Variants in SPRR2E observed in about 807,000 individuals in gnomAD.
The protein encoded by SPRR2E is small proline-rich protein 2E.
For synonymous variants in SPRR2E, 20 were observed against 32.2 expected, an observed-to-expected ratio of 0.62 and a Z score of 1.28; for missense variants, 68 against 87.1, an observed-to-expected ratio of 0.78 and a Z score of 0.87.
Position 153,093,789 on chromosome 1 carries a change from C to T in SPRR2E, c.-19-19G>A, listed in dbSNP as rs374728627. On this transcript the variant is annotated intron_variant, in intron 1 of 1. Transcript: ENST00000368750. ...TCAGAATCTGAAAGAAATGATATGA[C>T]AGTGTTCACAGGAATGGACTCCTCC... The T allele has an allele frequency of 5.0e-6, 8 of 1,610,640 alleles. No homozygotes were observed. The highest frequency in any genetic ancestry group is 6.8e-6 in the Non-Finnish European group (8 of 1,179,872).
chr1:153,094,192 C>G (rs1655165855), intron 1 of SPRR2E, among the ~76,000 whole-genome samples: 1 of 152,238 alleles, frequency 6.6e-6, no homozygotes, highest in Admixed American at 6.5e-5. Context: ...CCTGCTAAGA[C>G]ACAAACCTTT....
rs756320780 is a variant in SPRR2E, at chr1:153,093,571, G to A, written c.181C>T (p.Pro61Ser). The A allele has an allele frequency of 9.9e-6, 16 of 1,612,898 alleles. No homozygotes were observed. Among genetic ancestry groups the A allele is most frequent in the African/African-American group, 9.3e-5 (7 of 74,886 alleles). The change falls in exon 2 of 2, where the codon CCA becomes TCA. Residue 61 changes from proline (P) to serine (S), a missense_variant. By Grantham distance (74) the Pro-to-Ser change is moderately conservative (BLOSUM62 -1). Transcript: ENST00000368750. ...GGTGGACACTTTGGCTGGCAGGGTGGGGAAGGTGTCACAGGAGGACATTTT... is the reference window on the plus strand; with the variant it reads ...GGTGGACACTTTGGCTGGCAGGGTGAGGAAGGTGTCACAGGAGGACATTTT... ...QQKCPPVTPS[P>S]PCQPKCPPKS...
chr1:153,093,506 T>A lies in SPRR2E; in HGVS notation c.*27A>T. On this transcript the variant is annotated 3_prime_UTR_variant, in exon 2 of 2. Coordinates refer to ENST00000368750, the MANE Select transcript of SPRR2E (RefSeq NM_001024209.4). ...AGGTGAGCCAATTATCCTTATCCTT[T>A]CATGCTCCTGATGAATTCTGAAGCT... 1 of 1,606,838 alleles carries A rather than the reference T, an allele frequency of 6.2e-7. No individual in the cohort carries two copies. The highest frequency in any genetic ancestry group is 8.5e-7 in the Non-Finnish European group (1 of 1,176,866).
chr1:153,093,226 A>AG lies in SPRR2E; in HGVS notation c.*306dup. ...CCATGCCCAGGTGACAGACAGACAC[A>AG]GAAAACATCAACAGCATTTTTTGAT... On this transcript the variant is annotated 3_prime_UTR_variant, in exon 2 of 2. Transcript: ENST00000368750. 2.1e-6 allele frequency: 1 copy of AG among 475,390 alleles called. No individual in the cohort carries two copies. Among genetic ancestry groups the AG allele is most frequent in the East Asian group, 3.3e-5 (1 of 30,542 alleles). The allele number at this position is 475,390 out of a possible 1,614,324, so 29.4% of individuals were successfully genotyped here.
Position 153,093,277 on chromosome 1 carries a change from C to A in SPRR2E, c.*256G>T. On this transcript the variant is annotated 3_prime_UTR_variant, in exon 2 of 2. Coordinates refer to ENST00000368750, the MANE Select transcript of SPRR2E (RefSeq NM_001024209.4). ...GGTTCCCAGGGACAGAGCTGCTGGTCCTTCTTCCAAAGCTCTGGGAACTGA... is the reference window on the plus strand; with the variant it reads ...GGTTCCCAGGGACAGAGCTGCTGGTACTTCTTCCAAAGCTCTGGGAACTGA... 2 of 633,800 alleles carry A rather than the reference C, an allele frequency of 3.2e-6. No homozygotes were observed. The highest frequency in any genetic ancestry group is 2.6e-6 in the Non-Finnish European group (1 of 391,992). The allele number at this position is 633,800 out of a possible 1,614,324, so 39.3% of individuals were successfully genotyped here.
At chr1:153,093,809 T>A in intron 1 of SPRR2E, 39 bp from the exon 2 acceptor site, 1 of 1,609,734 alleles carries the variant, frequency 6.2e-7, no homozygotes, top group South Asian at 1.1e-5. Context: ...AGGAATGGAC[T>A]CCTCCAGAGA....
Position 153,093,353 on chromosome 1 carries a change from G to T in SPRR2E, c.*180C>A. ...TCTCCACCTGGACAGTGGCAATATG[G>T]CAGCCTCAGAAAGGAAACCTTTTGC... On this transcript the variant is annotated 3_prime_UTR_variant, in exon 2 of 2. Coordinates refer to ENST00000368750, the MANE Select transcript of SPRR2E (RefSeq NM_001024209.4). 1 of 1,213,296 alleles carries T rather than the reference G, an allele frequency of 8.2e-7. No homozygotes were observed. The highest frequency in any genetic ancestry group is 1.1e-6 in the Non-Finnish European group (1 of 880,632). The allele number at this position is 1,213,296 out of a possible 1,614,324, so 75.2% of individuals were successfully genotyped here.
In SPRR2E at chr1:153,093,768, A is replaced by G. The variant is rs765642064; in HGVS notation, c.-17T>C. 20 of 1,611,480 alleles carry G rather than the reference A, an allele frequency of 1.2e-5. No homozygotes were observed. Among genetic ancestry groups the G allele is most frequent in the East Asian group, 6.7e-5 (3 of 44,896 alleles). On this transcript the variant is annotated splice_region_variant and 5_prime_UTR_variant, in exon 2 of 2. Coordinates refer to ENST00000368750, the MANE Select transcript of SPRR2E (RefSeq NM_001024209.4). Reference sequence around the variant, plus strand: ...ATAAGACATCCTGCTGGAGTCTCAGAATCTGAAAGAAATGATATGACAGTG... The same window carrying G: ...ATAAGACATCCTGCTGGAGTCTCAGGATCTGAAAGAAATGATATGACAGTG...
Position 153,093,533 on chromosome 1 carries a change from T to C in SPRR2E, c.219A>G (p.Ter73=). 1.9e-6 allele frequency: 3 copies of C among 1,612,214 alleles called. No individual in the cohort carries two copies. ...CQPKCPPKSK[*] ...ATGCTCCTGATGAATTCTGAAGCTG[T>C]TACTTGCTCTTGGGTGGACACTTTG... The change falls in exon 2 of 2, where the codon TAA becomes TAG. Residue 73 remains the stop codon, a stop_retained_variant. Coordinates refer to ENST00000368750, the MANE Select transcript of SPRR2E (RefSeq NM_001024209.4).
rs778926662 is a variant in SPRR2E at position 153,093,721 on chromosome 1, G to A, written c.31C>T (p.Pro11Ser). The change falls in exon 2 of 2, where the codon CCC becomes TCC. Residue 11 changes from proline to serine, a missense_variant. Pro to Ser is a moderately conservative substitution (Grantham distance 74, BLOSUM62 -1). Transcript: ENST00000368750. ...GGGCACACAGGAGGTGGCTGGCAGG[G>A]CTGCTTGCACTGCTGCTGTTGATAA... MSYQQQQCKQPCQPPPVCPTP... is the reference protein window; with the variant it reads MSYQQQQCKQSCQPPPVCPTP... The A allele has an allele frequency of 3.7e-6, 6 of 1,612,162 alleles. No homozygotes were observed. Among genetic ancestry groups the A allele is most frequent in the South Asian group, 3.3e-5 (3 of 91,000 alleles).
chr1:153,093,912 G>A, intron 1 of SPRR2E, 142 bp from the exon 2 acceptor site: 2 of 1,331,160 alleles, frequency 1.5e-6, no homozygotes, highest in Non-Finnish European at 2.0e-6. Context: ...ATGACTTCCT[G>A]TCTTCTCCTT....
At chr1:153,094,316 A>T (rs531116268) in intron 1 of SPRR2E, among the ~76,000 whole-genome samples, 168 bp downstream of exon 1, 17 of 152,340 alleles carry the variant, frequency 1.1e-4, no homozygotes, top group Admixed American at 1.0e-3. Flanking sequence ...TACATTTTTT[A>T]AAAATCTGTG....
rs776318233 is a variant in SPRR2E at position 153,093,508 on chromosome 1, A to T, written c.*25T>A. On this transcript the variant is annotated 3_prime_UTR_variant, in exon 2 of 2. Transcript: ENST00000368750. ...GTGAGCCAATTATCCTTATCCTTTC[A>T]TGCTCCTGATGAATTCTGAAGCTGT... 8.1e-6 allele frequency: 13 copies of T among 1,607,534 alleles called. No individual in the cohort carries two copies. The Admixed American group carries it at 1.2e-4, about 14-fold the overall frequency.
rs1655134862 is a variant in SPRR2E, at chr1:153,093,385, G to A, written c.*148C>T. On this transcript the variant is annotated 3_prime_UTR_variant, in exon 2 of 2. Coordinates refer to ENST00000368750, the MANE Select transcript of SPRR2E (RefSeq NM_001024209.4). ...CAGAAAGGAAACCTTTTGCTATCAG[G>A]GATCATCATGGGCAGATCACTGGCT... The A allele has an allele frequency of 7.0e-7, 1 of 1,420,376 alleles. No homozygotes were observed. Among genetic ancestry groups the A allele is most frequent in the East Asian group, 2.3e-5 (1 of 43,350 alleles). 88.0% of individuals were successfully genotyped at this position (1,420,376 alleles called of 1,614,324 possible).
intron 1 of SPRR2E, among the ~76,000 whole-genome samples, chr1:153,094,157 T>C (rs890052630): frequency 2.0e-5 from 3 of 152,234 alleles, no homozygotes; most frequent in African/African-American, 7.2e-5. Context: ...CAAGGGCTGT[T>C]CAGGAAGAAG....
Position 153,093,444 on chromosome 1 carries a change from G to C in SPRR2E, c.*89C>G. 6.4e-7 allele frequency: 1 copy of C among 1,551,874 alleles called. No individual in the cohort carries two copies. The highest frequency in any genetic ancestry group is 8.7e-7 in the Non-Finnish European group (1 of 1,146,918). ...AGAAGCTAACTGTGTATCCATGGTAGGCTTTGATGAGAAGATGCAGGTGAA... is the reference window on the plus strand; with the variant it reads ...AGAAGCTAACTGTGTATCCATGGTACGCTTTGATGAGAAGATGCAGGTGAA... On this transcript the variant is annotated 3_prime_UTR_variant, in exon 2 of 2. Coordinates refer to ENST00000368750, the MANE Select transcript of SPRR2E (RefSeq NM_001024209.4).
rs758913167 is a variant in SPRR2E, at chr1:153,093,559, G to T, written c.193C>A (p.Pro65Thr). The T allele has an allele frequency of 8.1e-6, 13 of 1,612,880 alleles. No homozygotes were observed. Among genetic ancestry groups the T allele is most frequent in the Non-Finnish European group, 1.0e-5 (12 of 1,179,782 alleles). ...TACTTGCTCTTGGGTGGACACTTTG[G>T]CTGGCAGGGTGGGGAAGGTGTCACA... is the stretch of plus-strand genomic sequence containing the variant. ...PPVTPSPPCQPKCPPKSK is the reference protein window; with the variant it reads ...PPVTPSPPCQTKCPPKSK The change falls in exon 2 of 2, where the codon CCA becomes ACA. Residue 65 changes from proline to threonine, a missense_variant. By Grantham distance (38) the Pro-to-Thr change is conservative. Coordinates refer to ENST00000368750, the MANE Select transcript of SPRR2E (RefSeq NM_001024209.4).
Position 153,093,421 on chromosome 1 carries a change from A to T in SPRR2E, c.*112T>A. ...GGCAGATCACTGGCTAAGAGGAAAG[A>T]AGCTAACTGTGTATCCATGGTAGGC... On this transcript the variant is annotated 3_prime_UTR_variant, in exon 2 of 2. Coordinates refer to ENST00000368750, the MANE Select transcript of SPRR2E (RefSeq NM_001024209.4). The T allele has an allele frequency of 6.6e-7, 1 of 1,521,444 alleles. No homozygotes were observed. The highest frequency in any genetic ancestry group is 8.8e-7 in the Non-Finnish European group (1 of 1,130,722). 94.2% of individuals were successfully genotyped at this position (1,521,444 alleles called of 1,614,324 possible). A position where few individuals can be genotyped will look rare whatever the true frequency, so the allele number is the denominator to read the frequency against.
rs117182802 is a variant in SPRR2E, at chr1:153,094,523, T to C, written c.-59A>G. 1 of 152,092 alleles carries C rather than the reference T, an allele frequency of 6.6e-6. No homozygotes were observed. The highest frequency in any genetic ancestry group is 1.9e-4 in the East Asian group (1 of 5,154). 9.4% of individuals were successfully genotyped at this position (152,092 alleles called of 1,614,324 possible). On this transcript the variant is annotated 5_prime_UTR_variant, in exon 1 of 2. Coordinates refer to ENST00000368750, the MANE Select transcript of SPRR2E (RefSeq NM_001024209.4). ...CAGATCAGTGCTCAAGTACCAGGAG[T>C]TTAGGAGTTGTAGAGCAGAGAACCT...
Sources: gnomAD v4.1 joint callset for allele counts (sites outside exome capture counted in the v4.1 genomes callset) on GRCh38, gnomAD v4.1.1 for gene constraint, MANE v1.5 for transcripts, NCBI Gene and HGNC (gene_info 2026-07-23, HGNC 2026-07-21) for gene names.